PIKFYVE: variants seen among roughly 807,000 people sequenced by gnomAD.
The protein encoded by PIKFYVE is phosphoinositide kinase, FYVE-type zinc finger containing, also known as 1-phosphatidylinositol 3-phosphate 5-kinase.
Under a neutral mutation model 257.9 loss-of-function variants are expected in PIKFYVE, and 122 were observed. That is an observed-to-expected ratio of 0.47 (90% CI 0.41 to 0.55). The LOEUF (loss-of-function observed/expected upper bound fraction) is 0.55. Ranked by LOEUF, PIKFYVE falls within the 20% of genes least tolerant of loss-of-function variation. PIKFYVE has a pLI of 0.00. For synonymous variants in PIKFYVE, 892 were observed against 868.9 expected (o/e 1.03, Z -0.47); for missense variants, 2,160 against 2,536.6 (o/e 0.85, Z 3.19).
chr2:208,338,400 G>A, intron 28 of PIKFYVE, 108 bp from the exon 29 acceptor site: 2 of 880,730 alleles, frequency 2.3e-6, no homozygotes, highest in Admixed American at 3.9e-5. Context: ...TTTTTTAACG[G>A]TATAAATGGG....
At chr2:208,319,819 A>T (rs1695992811) in intron 16 of PIKFYVE, among the ~76,000 whole-genome samples, 1 of 152,178 alleles carries the variant, frequency 6.6e-6, no homozygotes. Context: ...TATGTTCAGG[A>T]GGCATTTTAA....
chr2:208,282,443 A>G (rs944658666), intron 5 of PIKFYVE, among the ~76,000 whole-genome samples: 1 of 152,218 alleles, frequency 6.6e-6, no homozygotes, highest in Non-Finnish European at 1.5e-5. Flanking sequence ...ATGTTTAACA[A>G]TTGGTCAAGT....
chr2:208,321,530 A>G (rs970054052), intron 17 of PIKFYVE, among the ~76,000 whole-genome samples: 1 of 152,026 alleles, frequency 6.6e-6, no homozygotes, highest in African/African-American at 2.4e-5. Context: ...AGAGAACTCT[A>G]AAGAAATAAA....
chr2:208,336,998 G>C, intron 28 of PIKFYVE, 70 bp downstream of exon 28: 6 of 1,216,628 alleles, frequency 4.9e-6, no homozygotes, highest in Non-Finnish European at 4.8e-6. Flanking sequence ...ATAATACTTA[G>C]CAGGGATAGT....
At chr2:208,344,522 T>C (rs1699038932) in intron 32 of PIKFYVE, among the ~76,000 whole-genome samples, 1 of 152,096 alleles carries the variant, frequency 6.6e-6, no homozygotes, top group Non-Finnish European at 1.5e-5. Context: ...GTCAACCAAA[T>C]CAAAAGTATT....
chr2:208,298,676 C>A lies in PIKFYVE; in HGVS notation c.947C>A (p.Ser316Tyr). 6.2e-7 allele frequency: 1 copy of A among 1,614,084 alleles called. No homozygotes were observed. The highest frequency in any genetic ancestry group is 8.5e-7 in the Non-Finnish European group (1 of 1,179,944). ...ASITNLSLDR[S>Y]GSPMVPSYET... ...ATTACTAACCTGTCACTGGATAGAT[C>A]TGGTTCTCCTATGGTACCTTCATAT... Residue 316 changes from serine to tyrosine, a missense_variant, in exon 8 of 42, where the codon TCT becomes TAT. This residue lies in a region of PIKFYVE where 187 missense variants were observed against 185.6 expected (regional missense o/e 1.01). Coordinates refer to ENST00000264380, the MANE Select transcript of PIKFYVE (RefSeq NM_015040.4).
chr2:208,326,856 CTT>C, intron 20 of PIKFYVE, among the ~76,000 whole-genome samples: 1 of 152,118 alleles, frequency 6.6e-6, no homozygotes, highest in East Asian at 1.9e-4. Flanking sequence ...AAAGTTAGCT[CTT>C]TTTTTAACAT....
At chr2:208,318,844 G>A (rs1369889178) in intron 16 of PIKFYVE, among the ~76,000 whole-genome samples, 3 of 151,886 alleles carry the variant, frequency 2.0e-5, no homozygotes, top group East Asian at 3.9e-4. Context: ...TCAGCTACTC[G>A]GGAGGCTGAG....
chr2:208,335,267 A>G (rs1273383897), intron 24 of PIKFYVE, 39 bp from the exon 25 acceptor site: 6 of 1,344,270 alleles, frequency 4.5e-6, no homozygotes, highest in Non-Finnish European at 4.3e-6. Flanking sequence ...ATATTAAGCT[A>G]TTTTTCATTT....
intron 12 of PIKFYVE, chr2:208,305,457 C>A: frequency 1.0e-6 from 1 of 957,126 alleles, no homozygotes; most frequent in Non-Finnish European, 1.3e-6. Flanking sequence ...GGGGGAAAAT[C>A]ATTCACACAT....
chr2:208,272,331 A>G (rs1313843706), intron 2 of PIKFYVE, among the ~76,000 whole-genome samples: 1 of 151,940 alleles, frequency 6.6e-6, no homozygotes, highest in Non-Finnish European at 1.5e-5. Flanking sequence ...TTTTCTTAAT[A>G]TGCTTTAAGT....
chr2:208,338,559 G>A lies in PIKFYVE; in HGVS notation c.4663G>A (p.Gly1555Arg). The stretch of plus-strand genomic sequence containing the variant: ...GAATATTTCTCCAGGACTTCAGAAT[G>A]GAGAAAAAGGTTGGTTCTTGAGTCT... The part of the protein sequence containing the change: ...PRNISPGLQN[G>R]EKEDRFLTTL... The change falls in exon 29 of 42, where the codon GGA becomes AGA. Residue 1555 changes from glycine to arginine, a missense_variant. By Grantham distance (125) the Gly-to-Arg change is moderately radical. Around this residue, in one of 12 missense-constraint regions of PIKFYVE, gnomAD observed 699 missense variants for 855.8 expected, o/e 0.82. Transcript: ENST00000264380. 6.2e-7 allele frequency: 1 copy of A among 1,613,042 alleles called. No homozygotes were observed. The highest frequency in any genetic ancestry group is 8.5e-7 in the Non-Finnish European group (1 of 1,179,174).
intron 3 of PIKFYVE, 74 bp from the exon 4 acceptor site, chr2:208,276,638 A>G: frequency 9.4e-7 from 1 of 1,066,690 alleles, no homozygotes; most frequent in Non-Finnish European, 1.5e-6. Context: ...GGCAGTTTCC[A>G]TCACATATAT....
chr2:208,298,407 T>C (rs1195793139), intron 7 of PIKFYVE, among the ~76,000 whole-genome samples: 2 of 151,576 alleles, frequency 1.3e-5, no homozygotes, highest in Non-Finnish European at 2.9e-5. Context: ...TAGACACACA[T>C]AGAATTGCAA....
intron 24 of PIKFYVE, among the ~76,000 whole-genome samples, 157 bp from the exon 25 acceptor site, chr2:208,335,149 A>G (rs2125673818): frequency 6.6e-6 from 1 of 152,352 alleles, no homozygotes; most frequent in Non-Finnish European, 1.5e-5. Flanking sequence ...ATTTATTGTA[A>G]CAGCTAAAAA....
chr2:208,328,116 T>C, intron 20 of PIKFYVE, 64 bp from the exon 21 acceptor site: 1 of 1,610,576 alleles, frequency 6.2e-7, no homozygotes, highest in Non-Finnish European at 8.5e-7. Flanking sequence ...TGGAGTGTGT[T>C]TGGTGCATTG....
intron 6 of PIKFYVE, among the ~76,000 whole-genome samples, chr2:208,287,462 C>T (rs995585720): frequency 9.2e-5 from 14 of 151,578 alleles, no homozygotes; most frequent in South Asian, 6.3e-4. Context: ...TTAGTAGGGA[C>T]GGGGTTTCAT....
intron 5 of PIKFYVE, among the ~76,000 whole-genome samples, chr2:208,283,781 A>G (rs1320971848): frequency 6.6e-6 from 1 of 152,086 alleles, no homozygotes; most frequent in Admixed American, 6.5e-5. Context: ...GTGGGGTCTC[A>G]CCATGTAGCC....
At chr2:208,338,023 CATTTTT>C in intron 28 of PIKFYVE, among the ~76,000 whole-genome samples, 2 of 151,960 alleles carry the variant, frequency 1.3e-5, no homozygotes, top group Non-Finnish European at 2.9e-5. Flanking sequence ...ACACCTGGCT[CATTTTT>C]ATTTTTTTTT....
Sources: allele counts gnomAD v4.1 joint callset (sites outside exome capture counted in the v4.1 genomes callset), GRCh38; gene constraint gnomAD v4.1.1; regional missense constraint gnomAD v4.1.1; transcripts MANE v1.5; gene names NCBI Gene and HGNC (gene_info 2026-07-23, HGNC 2026-07-21).